OCA2: variants seen among roughly 807,000 people sequenced by gnomAD.
The protein encoded by OCA2 is P protein.
OCA2 carries 77 observed loss-of-function variants against 100.2 expected under a neutral mutation model. That is an observed-to-expected ratio of 0.77 (90% CI 0.64 to 0.93). OCA2 has a LOEUF of 0.93. Ranked by LOEUF, OCA2 falls within the 40% of genes least tolerant of loss-of-function variation. The probability of loss-of-function intolerance (pLI) is 0.00; values close to 1 mark genes in which losing one functional copy is unlikely to be tolerated. For missense variants in OCA2, 1,062 were observed against 1,089.1 expected (o/e 0.98, Z 0.35); for synonymous variants, 432 against 439.2 (o/e 0.98, Z 0.21).
intron 21 of OCA2, among the ~76,000 whole-genome samples, chr15:27,858,373 C>A (rs1188328641): frequency 7.0e-6 from 1 of 142,980 alleles, no homozygotes; most frequent in Admixed American, 7.1e-5. Flanking sequence ...AACTCTGCCT[C>A]CAAAAAGAAA....
chr15:27,770,792 C>T lies in OCA2; in HGVS notation c.2433-15320G>A, dbSNP rs56328395. ...TCCCTCCCTTCCATCCTTCCTTCCT[C>T]CCTCCCTCTTTTCCTTCCTTCCTCC... is the stretch of plus-strand genomic sequence containing the variant. On this transcript the variant is annotated intron_variant, in intron 23 of 23. Transcript: ENST00000354638. 6.7e-3 allele frequency among the ~76,000 whole-genome samples: 576 copies of T among 85,594 alleles called. 9 individuals are homozygous for T. The highest frequency in any genetic ancestry group is 0.018 in the African/African-American group (538 of 29,538). The allele number at this position is 85,594 out of a possible 152,430, so 56.2% of individuals were successfully genotyped here.
chr15:27,913,901 A>AAG (rs1567098757), intron 19 of OCA2, among the ~76,000 whole-genome samples: 3 of 34,816 alleles, frequency 8.6e-5, no homozygotes, highest in Admixed American at 4.4e-4. Context: ...GAAAGCAAGC[A>AAG]AGCAAGCAAG....
At chr15:28,041,021 C>G (rs1172124167) in intron 2 of OCA2, among the ~76,000 whole-genome samples, 1 of 152,144 alleles carries the variant, frequency 6.6e-6, no homozygotes, top group African/African-American at 2.4e-5. Context: ...CAGCATTACC[C>G]TGATACCAAA....
chr15:27,740,135 G>C, the OCA2 span, among the ~76,000 whole-genome samples: 1 of 152,162 alleles, frequency 6.6e-6, no homozygotes, highest in Admixed American at 6.5e-5. Context: ...TGCTTCCATA[G>C]ACGTGACTTA....
chr15:28,029,089 A>G (rs1055498607), intron 3 of OCA2, among the ~76,000 whole-genome samples: 1 of 152,226 alleles, frequency 6.6e-6, no homozygotes, highest in Non-Finnish European at 1.5e-5. Context: ...CATGTATCAT[A>G]TAGAATATTC....
At chr15:27,868,515 G>A (rs8032891) in intron 21 of OCA2, among the ~76,000 whole-genome samples, 2,242 of 152,118 alleles carry the variant, frequency 0.015, 42 homozygotes, top group African/African-American at 0.047. Context: ...ATCTAAAATC[G>A]TCACGCTCAC....
chr15:28,093,761 C>A (rs1196831346), intron 1 of OCA2, among the ~76,000 whole-genome samples: 1 of 152,148 alleles, frequency 6.6e-6, no homozygotes, highest in Admixed American at 6.5e-5. Context: ...ACGCCACAAT[C>A]AAAAGGAACA....
chr15:28,048,817 G>T (rs1458813551), intron 2 of OCA2, among the ~76,000 whole-genome samples: 1 of 152,024 alleles, frequency 6.6e-6, no homozygotes, highest in Non-Finnish European at 1.5e-5. Context: ...ACCAGCCTGG[G>T]CAACATGGTG....
the OCA2 span, among the ~76,000 whole-genome samples, chr15:27,729,289 A>ATT: frequency 2.1e-3 from 239 of 111,192 alleles, 2 homozygotes; most frequent in Middle Eastern, 9.8e-3. Context: ...ATTATCATCT[A>ATT]TTTTTTTTTT....
intron 19 of OCA2, among the ~76,000 whole-genome samples, chr15:27,872,544 A>G (rs7168312): frequency 0.016 from 2,406 of 152,298 alleles, 57 homozygotes; most frequent in African/African-American, 0.051. Flanking sequence ...AGCCACTGTG[A>G]GAGGTCACCG....
rs375817897 is a variant in OCA2, at chr15:27,760,061, AT to A, written c.2433-4590del. Among the ~76,000 whole-genome samples, 30 of 152,268 alleles carry A rather than the reference AT, an allele frequency of 2.0e-4. No homozygotes were observed. The East Asian group carries it at 4.1e-3, about 21-fold the overall frequency. ...TTGATTTCAAATTTGATTTGATTTG[AT>A]TTGCTAGTTTGATAAGAAATCAGTA... On this transcript the variant is annotated intron_variant, in intron 23 of 23. Coordinates refer to ENST00000354638, the MANE Select transcript of OCA2 (RefSeq NM_000275.3).
At chr15:27,733,275 T>A in the OCA2 span, among the ~76,000 whole-genome samples, 1 of 152,134 alleles carries the variant, frequency 6.6e-6, no homozygotes, top group Non-Finnish European at 1.5e-5. Flanking sequence ...GTAAGTAAGG[T>A]CCCATCCTTC....
intron 9 of OCA2, among the ~76,000 whole-genome samples, chr15:28,010,949 A>C (rs936562792): frequency 1.3e-5 from 2 of 152,244 alleles, no homozygotes; most frequent in African/African-American, 4.8e-5. Context: ...ACCTGCAGTA[A>C]TCAAGATAGT....
At chr15:27,765,883 T>C (rs2031219516) in intron 23 of OCA2, among the ~76,000 whole-genome samples, 6 of 152,326 alleles carry the variant, frequency 3.9e-5, no homozygotes, top group Admixed American at 6.5e-5. Context: ...AGTTTCTTTA[T>C]TGCAACCTGT....
At chr15:27,875,153 A>G (rs2036736667) in intron 19 of OCA2, among the ~76,000 whole-genome samples, 1 of 152,196 alleles carries the variant, frequency 6.6e-6, no homozygotes, top group African/African-American at 2.4e-5. Flanking sequence ...AAGATACTAC[A>G]ATAAACAGAT....
chr15:27,959,322 A>G (rs1017551459), intron 15 of OCA2, among the ~76,000 whole-genome samples: 1 of 152,228 alleles, frequency 6.6e-6, no homozygotes, highest in African/African-American at 2.4e-5. Flanking sequence ...AAAGTCTCAC[A>G]CTTCGTTAAA....
intron 2 of OCA2, among the ~76,000 whole-genome samples, chr15:28,073,274 C>T (rs1477709386): frequency 2.0e-5 from 3 of 152,084 alleles, no homozygotes; most frequent in African/African-American, 4.8e-5. Flanking sequence ...ATTAGCTGGG[C>T]GTGGTGGCGA....
chr15:27,755,612 G>A (rs2030292758), intron 23 of OCA2, 140 bp from the exon 24 acceptor site: 2 of 711,784 alleles, frequency 2.8e-6, no homozygotes, highest in Non-Finnish European at 5.1e-6. Context: ...CATAAATCAG[G>A]AAGTTAGTTT....
intron 23 of OCA2, among the ~76,000 whole-genome samples, chr15:27,768,215 A>G (rs2031430466): frequency 6.6e-6 from 1 of 152,240 alleles, no homozygotes; most frequent in South Asian, 2.1e-4. Flanking sequence ...ACCATCTCAC[A>G]CTGCAGCCTC....
Sources: allele counts gnomAD v4.1 joint callset (sites outside exome capture counted in the v4.1 genomes callset), GRCh38; gene constraint gnomAD v4.1.1; transcripts MANE v1.5; gene names NCBI Gene and HGNC (gene_info 2026-07-23, HGNC 2026-07-21).